The following MTUS2 variants were observed in gnomAD, a reference collection of about 807,000 sequenced individuals.
MTUS2 encodes microtubule-associated tumor suppressor candidate 2.
Under a neutral mutation model 114.1 loss-of-function variants are expected in MTUS2, and 40 were observed. The ratio of observed to expected loss-of-function variants is 0.35; its 90% CI spans 0.27 to 0.46. MTUS2 has a LOEUF of 0.46. Among genes scored for constraint, MTUS2 ranks in the 20% least tolerant of loss-of-function variants. MTUS2 has a pLI of 1.00. For synonymous variants in MTUS2, 688 were observed against 672.0 expected (o/e 1.02, Z -0.37); for missense variants, 1,679 against 1,705.4 (o/e 0.98, Z 0.27).
chr13:29,254,692 C>A (rs1897238412), intron 5 of MTUS2, among the ~76,000 whole-genome samples: 1 of 152,214 alleles, frequency 6.6e-6, no homozygotes, highest in African/African-American at 2.4e-5. Context: ...CATAAACCTC[C>A]AATTCATTTA....
chr13:29,263,366 G>A (rs1448786744), intron 5 of MTUS2, among the ~76,000 whole-genome samples: 1 of 152,182 alleles, frequency 6.6e-6, no homozygotes, highest in Non-Finnish European at 1.5e-5. Context: ...GGCTCCTGGA[G>A]TTCTGTGTTG....
At chr13:29,492,119 T>TG (rs1312944658) in intron 11 of MTUS2, among the ~76,000 whole-genome samples, 1 of 140,734 alleles carries the variant, frequency 7.1e-6, no homozygotes, top group African/African-American at 2.7e-5. Flanking sequence ...GTGTGGTGTG[T>TG]GTGTGTATGT....
At chr13:29,185,264 A>G (rs973440784) in intron 5 of MTUS2, among the ~76,000 whole-genome samples, 2 of 152,122 alleles carry the variant, frequency 1.3e-5, no homozygotes, top group Admixed American at 6.6e-5. Flanking sequence ...AAAAAGATGA[A>G]CAGAGCCTCA....
At chr13:29,021,805 T>C (rs775030787) in intron 2 of MTUS2, among the ~76,000 whole-genome samples, 1 of 152,174 alleles carries the variant, frequency 6.6e-6, no homozygotes, top group Non-Finnish European at 1.5e-5. Context: ...TAAAATTGAA[T>C]AAACAAAGAC....
intron 4 of MTUS2, among the ~76,000 whole-genome samples, chr13:29,092,044 T>C (rs1566003371): frequency 6.6e-6 from 1 of 152,168 alleles, no homozygotes; most frequent in Non-Finnish European, 1.5e-5. Context: ...AGCCAAAAAT[T>C]TGGTTTAGAT....
intron 8 of MTUS2, among the ~76,000 whole-genome samples, chr13:29,397,558 A>T (rs1874003469): frequency 6.6e-6 from 1 of 152,228 alleles, no homozygotes; most frequent in South Asian, 2.1e-4. Context: ...TCTGCATTCT[A>T]GCAAGAGCCC....
At chr13:29,060,709 G>A (rs1888375583) in intron 4 of MTUS2, among the ~76,000 whole-genome samples, 1 of 151,012 alleles carries the variant, frequency 6.6e-6, no homozygotes, top group African/African-American at 2.4e-5. Flanking sequence ...TTATCAGTAT[G>A]GTTTTAATAT....
intron 5 of MTUS2, among the ~76,000 whole-genome samples, chr13:29,151,131 G>A (rs1445296069): frequency 6.6e-6 from 1 of 152,024 alleles, no homozygotes; most frequent in Non-Finnish European, 1.5e-5. Context: ...ATTGCTTTGG[G>A]CAGTATGACA....
At chr13:29,228,376 A>AGTGAC (rs1896193410) in intron 5 of MTUS2, among the ~76,000 whole-genome samples, 1 of 152,230 alleles carries the variant, frequency 6.6e-6, no homozygotes, top group South Asian at 2.1e-4. Flanking sequence ...GCTGAAGTAC[A>AGTGAC]GTGACGTGAC....
At chr13:29,236,336 A>AT (rs941128546) in intron 5 of MTUS2, among the ~76,000 whole-genome samples, 55 of 151,936 alleles carry the variant, frequency 3.6e-4, no homozygotes, top group Non-Finnish European at 5.1e-4. Flanking sequence ...TTAGAGTGAG[A>AT]TTTTTTTAAT....
chr13:28,869,621 A>T (rs1024406389), intron 2 of MTUS2, among the ~76,000 whole-genome samples: 13 of 152,222 alleles, frequency 8.5e-5, no homozygotes, highest in African/African-American at 3.1e-4. Context: ...AATACAAAAA[A>T]TTAGCTGGGC....
chr13:28,862,664 T>C (rs1877066559), intron 2 of MTUS2, among the ~76,000 whole-genome samples: 1 of 152,192 alleles, frequency 6.6e-6, no homozygotes. Flanking sequence ...TGATTGTAGC[T>C]TTATTTATTG....
intron 2 of MTUS2, among the ~76,000 whole-genome samples, chr13:28,895,229 A>G (rs1400891712): frequency 6.6e-6 from 1 of 152,222 alleles, no homozygotes; most frequent in African/African-American, 2.4e-5. Flanking sequence ...ATGCAGTTTC[A>G]TGGGCCTCTG....
intron 2 of MTUS2, among the ~76,000 whole-genome samples, chr13:28,898,206 A>G (rs914019656): frequency 6.6e-6 from 1 of 152,158 alleles, no homozygotes; most frequent in African/African-American, 2.4e-5. Flanking sequence ...GTAGTCCATG[A>G]CAGAAGAGCT....
intron 2 of MTUS2, among the ~76,000 whole-genome samples, chr13:28,895,548 G>C (rs1879215120): frequency 6.6e-6 from 1 of 152,126 alleles, no homozygotes; most frequent in African/African-American, 2.4e-5. Context: ...GTATCTACCA[G>C]GCATAGTTCA....
intron 4 of MTUS2, among the ~76,000 whole-genome samples, chr13:29,034,767 C>T (rs1186214764): frequency 6.6e-6 from 1 of 152,148 alleles, no homozygotes; most frequent in Non-Finnish European, 1.5e-5. Context: ...GATGTAAAAG[C>T]GTTATCTGTA....
intron 9 of MTUS2, among the ~76,000 whole-genome samples, chr13:29,479,551 A>G (rs1247521482): frequency 6.6e-6 from 1 of 152,190 alleles, no homozygotes; most frequent in Non-Finnish European, 1.5e-5. Flanking sequence ...CCGAGTAGAA[A>G]ACTTCAGGGT....
At chr13:29,212,563 G>T (rs1895489351) in intron 5 of MTUS2, among the ~76,000 whole-genome samples, 1 of 152,206 alleles carries the variant, frequency 6.6e-6, no homozygotes, top group African/African-American at 2.4e-5. Context: ...CCACACTTCT[G>T]TCTGACTTGG....
chr13:29,253,739 G>A (rs1344632023), intron 5 of MTUS2, among the ~76,000 whole-genome samples: 2 of 152,154 alleles, frequency 1.3e-5, no homozygotes, highest in South Asian at 4.1e-4. Flanking sequence ...AGGTTTAATG[G>A]ACTCACAGTT....
Sources: allele counts gnomAD v4.1 joint callset (sites outside exome capture counted in the v4.1 genomes callset), GRCh38; gene constraint gnomAD v4.1.1; transcripts MANE v1.5; gene names NCBI Gene and HGNC (gene_info 2026-07-23, HGNC 2026-07-21).